The following NTM variants were observed in gnomAD, a reference collection of about 807,000 sequenced individuals.
NTM encodes neurotrimin.
In NTM, 13 loss-of-function variants were observed where a neutral mutation model predicts 42.1. That is an observed-to-expected ratio of 0.31 (90% CI 0.20 to 0.49). NTM has a LOEUF of 0.49. Among genes scored for constraint, NTM ranks in the 20% least tolerant of loss-of-function variants. NTM has a pLI of 0.99. For synonymous variants in NTM, 187 were observed against 179.2 expected (o/e 1.04, Z -0.35); for missense variants, 373 against 452.8 (o/e 0.82, Z 1.60).
chr11:131,692,010 G>T (rs532999246), intron 1 of NTM, among the ~76,000 whole-genome samples: 3 of 152,346 alleles, frequency 2.0e-5, no homozygotes, highest in Admixed American at 2.0e-4. Flanking sequence ...TGTCATCAAG[G>T]CATCCCACAT....
intron 1 of NTM, among the ~76,000 whole-genome samples, chr11:131,613,006 T>G (rs1219625435): frequency 6.6e-6 from 1 of 152,192 alleles, no homozygotes; most frequent in African/African-American, 2.4e-5. Context: ...GAAGCTTAGT[T>G]CCCTGGGGCC....
At chr11:131,547,999 G>C (rs2136879593) in intron 1 of NTM, among the ~76,000 whole-genome samples, 1 of 152,272 alleles carries the variant, frequency 6.6e-6, no homozygotes, top group Admixed American at 6.5e-5. Context: ...AACTTGCAAG[G>C]AGACAGAGGA....
chr11:131,589,662 A>G (rs1240072017), intron 1 of NTM, among the ~76,000 whole-genome samples: 1 of 152,176 alleles, frequency 6.6e-6, no homozygotes. Flanking sequence ...GCAGAGAGAC[A>G]CCATCCCACC....
intron 2 of NTM, among the ~76,000 whole-genome samples, chr11:131,955,910 C>G (rs1044035740): frequency 6.6e-6 from 1 of 152,204 alleles, no homozygotes; most frequent in African/African-American, 2.4e-5. Context: ...GGCAAAGCAG[C>G]CCCTGGAGCC....
In NTM at chr11:131,989,410, T is replaced by C. The variant is rs145123625; in HGVS notation, c.167+77762T>C. On this transcript the variant is annotated intron_variant, in intron 2 of 8. Transcript: ENST00000683400. The stretch of plus-strand genomic sequence containing the variant: ...TACTCATTGCAGAATTAAATTACGA[T>C]GTGATATTGCGGTAATAGTTATACA... Among the ~76,000 whole-genome samples the C allele has an allele frequency of 4.1e-3, 627 of 152,314 alleles. 6 individuals carry two copies. Among genetic ancestry groups the C allele is most frequent in the African/African-American group, 0.014 (584 of 41,578 alleles).
intron 1 of NTM, among the ~76,000 whole-genome samples, chr11:131,819,315 G>A (rs1290183459): frequency 6.6e-6 from 1 of 152,114 alleles, no homozygotes; most frequent in Non-Finnish European, 1.5e-5. Context: ...CCCCAGAAAT[G>A]TAAGTTTACT....
At chr11:132,095,260 T>A (rs923325113) in intron 2 of NTM, among the ~76,000 whole-genome samples, 1 of 152,136 alleles carries the variant, frequency 6.6e-6, no homozygotes, top group African/African-American at 2.4e-5. Flanking sequence ...TTGCCTAATT[T>A]GGGAGTGGGA....
chr11:132,061,859 A>AT (rs1399809122), intron 2 of NTM, among the ~76,000 whole-genome samples: 2 of 151,838 alleles, frequency 1.3e-5, no homozygotes, highest in Non-Finnish European at 2.9e-5. Flanking sequence ...TTTTTTAAAG[A>AT]TTTTTTTAAA....
At chr11:131,988,181 T>C (rs148457648) in intron 2 of NTM, among the ~76,000 whole-genome samples, 4 of 152,324 alleles carry the variant, frequency 2.6e-5, no homozygotes, top group African/African-American at 4.8e-5. Flanking sequence ...ATTCCACTTA[T>C]GGGGGTTCCA....
chr11:131,861,862 G>A (rs1565641839), intron 1 of NTM, among the ~76,000 whole-genome samples: 1 of 152,164 alleles, frequency 6.6e-6, no homozygotes, highest in South Asian at 2.1e-4. Context: ...CACTAGGTAG[G>A]CCTGTCTCCA....
At chr11:131,656,866 C>T (rs950491887) in intron 1 of NTM, among the ~76,000 whole-genome samples, 1 of 152,148 alleles carries the variant, frequency 6.6e-6, no homozygotes. Context: ...TGACCTACTT[C>T]TGCAGAAAGC....
intron 2 of NTM, among the ~76,000 whole-genome samples, chr11:132,144,628 G>T (rs1036512437): frequency 1.3e-5 from 2 of 152,200 alleles, no homozygotes; most frequent in Non-Finnish European, 2.9e-5. Flanking sequence ...TCAGTAGACT[G>T]GGGGTGAGAC....
intron 2 of NTM, among the ~76,000 whole-genome samples, chr11:132,028,257 T>C (rs1337903775): frequency 6.6e-6 from 1 of 151,838 alleles, no homozygotes; most frequent in Non-Finnish European, 1.5e-5. Context: ...TTTTTTTTTT[T>C]TTTTCGTCTT....
chr11:132,293,347 G>A (rs532320968), intron 4 of NTM, among the ~76,000 whole-genome samples: 54 of 152,308 alleles, frequency 3.5e-4, no homozygotes, highest in Admixed American at 1.4e-3. Flanking sequence ...AAATTGGGTA[G>A]CCCCCACTTG....
chr11:131,604,710 C>A (rs1423550595), intron 1 of NTM, among the ~76,000 whole-genome samples: 1 of 41,998 alleles, frequency 2.4e-5, no homozygotes, highest in East Asian at 4.7e-4. Context: ...GTCTTTTTTT[C>A]TTTCCTTTTT....
intron 1 of NTM, among the ~76,000 whole-genome samples, chr11:131,838,346 A>G (rs1158223139): frequency 1.3e-5 from 2 of 152,160 alleles, no homozygotes; most frequent in Non-Finnish European, 2.9e-5. Flanking sequence ...AGTACAGCCG[A>G]GTGTCCACCT....
At chr11:131,454,305 G>C (rs1950705058) in intron 1 of NTM, among the ~76,000 whole-genome samples, 1 of 152,148 alleles carries the variant, frequency 6.6e-6, no homozygotes, top group African/African-American at 2.4e-5. Context: ...ACCTATGTGG[G>C]GTTCTGTACT....
At chr11:131,812,220 CTT>C (rs1402487171) in intron 1 of NTM, among the ~76,000 whole-genome samples, 1 of 145,442 alleles carries the variant, frequency 6.9e-6, no homozygotes, top group East Asian at 2.1e-4. Context: ...CTCTCTCTCT[CTT>C]CCCCTTCCTC....
At chr11:131,794,736 T>A in intron 1 of NTM, 1 of 985,426 alleles carries the variant, frequency 1.0e-6, no homozygotes, top group Non-Finnish European at 1.2e-6. Context: ...AGATAGCTTG[T>A]GTAGGACTTA....
Sources: allele counts gnomAD v4.1 joint callset (sites outside exome capture counted in the v4.1 genomes callset), GRCh38; gene constraint gnomAD v4.1.1; transcripts MANE v1.5; gene names NCBI Gene and HGNC (gene_info 2026-07-23, HGNC 2026-07-21).